The following DCC variants were observed in gnomAD, a reference collection of about 807,000 sequenced individuals.
The protein encoded by DCC is netrin receptor DCC.
A neutral mutation model predicts 172.5 loss-of-function variants in DCC; 58 were observed. The observed-to-expected ratio is 0.34, with a 90% confidence interval of 0.27 to 0.42. The LOEUF is 0.42. DCC is among the 10% of genes least tolerant of loss of function. The pLI is 1.00. For missense variants in DCC, 1,740 were observed against 1,791.0 expected, an observed-to-expected ratio of 0.97 and a Z score of 0.51; for synonymous variants, 709 against 644.5, an observed-to-expected ratio of 1.10 and a Z score of -1.52.
chr18:52,441,492 A>G (rs1262552305), intron 1 of DCC, among the ~76,000 whole-genome samples: 2 of 152,146 alleles, frequency 1.3e-5, no homozygotes, highest in African/African-American at 2.4e-5. Flanking sequence ...TTTAAATCCT[A>G]TCACCATAAA....
intron 24 of DCC, among the ~76,000 whole-genome samples, chr18:53,467,363 A>G (rs186319308): frequency 6.9e-4 from 105 of 152,230 alleles, no homozygotes; most frequent in Admixed American, 7.8e-4. Flanking sequence ...ATGGAATCCT[A>G]ATAAATTTAT....
chr18:52,969,745 G>T (rs929292653), intron 5 of DCC, among the ~76,000 whole-genome samples: 1 of 151,878 alleles, frequency 6.6e-6, no homozygotes, highest in Non-Finnish European at 1.5e-5. Context: ...TTCAGGATAG[G>T]CTGAAAAGTT....
chr18:53,035,745 A>C (rs776112494), intron 5 of DCC, among the ~76,000 whole-genome samples: 13 of 152,064 alleles, frequency 8.5e-5, no homozygotes, highest in Non-Finnish European at 1.9e-4. Context: ...TATAGACTGC[A>C]CTATCATTTT....
chr18:53,008,099 A>G (rs2041672335), intron 5 of DCC, among the ~76,000 whole-genome samples: 1 of 152,140 alleles, frequency 6.6e-6, no homozygotes, highest in African/African-American at 2.4e-5. Flanking sequence ...TCTGAATCAC[A>G]TAGACATATT....
rs200635486 is a variant in DCC, at chr18:53,138,258, C to T, written c.1262-19098C>T. On this transcript the variant is annotated intron_variant, in intron 7 of 28. Coordinates refer to ENST00000442544, the MANE Select transcript of DCC (RefSeq NM_005215.4). ...AGGCCATGAAGGAGTTAATGTGCCT[C>T]TCTAATGCTGTCAATTTCCATCTTC... Among the ~76,000 whole-genome samples the T allele has an allele frequency of 2.0e-5, 3 of 152,112 alleles. No homozygotes were observed. In the East Asian group the frequency reaches 5.8e-4, roughly 29 times the overall value.
intron 5 of DCC, among the ~76,000 whole-genome samples, chr18:52,946,342 T>C (rs1368758052): frequency 1.3e-5 from 2 of 152,368 alleles, no homozygotes; most frequent in African/African-American, 2.4e-5. Context: ...TGAAATGAAC[T>C]GTTTTTTAGA....
At chr18:52,866,158 C>T (rs865798722) in intron 2 of DCC, among the ~76,000 whole-genome samples, 29 of 152,254 alleles carry the variant, frequency 1.9e-4, no homozygotes, top group African/African-American at 2.9e-4. Flanking sequence ...GAATCCTTTC[C>T]GCACTGCTTG....
intron 1 of DCC, among the ~76,000 whole-genome samples, chr18:52,522,168 G>C (rs988540343): frequency 6.6e-6 from 1 of 152,080 alleles, no homozygotes; most frequent in Non-Finnish European, 1.5e-5. Context: ...CATGGTCCAG[G>C]GATAATTATC....
chr18:52,670,099 C>T (rs763153616), intron 1 of DCC, among the ~76,000 whole-genome samples: 2 of 152,208 alleles, frequency 1.3e-5, no homozygotes, highest in Non-Finnish European at 2.9e-5. Context: ...AAAGAGTCAG[C>T]ATTCTTGGAC....
chr18:52,876,952 C>A (rs1298317256), intron 2 of DCC, among the ~76,000 whole-genome samples: 2 of 152,062 alleles, frequency 1.3e-5, no homozygotes, highest in Non-Finnish European at 2.9e-5. Flanking sequence ...TAGATGACAC[C>A]AGTTAAATTT....
At chr18:53,075,747 T>C (rs2042717595) in intron 7 of DCC, among the ~76,000 whole-genome samples, 1 of 152,210 alleles carries the variant, frequency 6.6e-6, no homozygotes, top group African/African-American at 2.4e-5. Context: ...GCTGTGCTTA[T>C]ATGTATACAC....
chr18:53,514,605 G>C (rs2046310115), intron 27 of DCC, among the ~76,000 whole-genome samples: 1 of 152,128 alleles, frequency 6.6e-6, no homozygotes, highest in African/African-American at 2.4e-5. Flanking sequence ...AATAAAAAAT[G>C]ATAAGGGGGA....
chr18:53,273,278 A>T (rs528257436), intron 12 of DCC, among the ~76,000 whole-genome samples: 1 of 152,184 alleles, frequency 6.6e-6, no homozygotes, highest in African/African-American at 2.4e-5. Context: ...TGAGCCTCTG[A>T]ATTTTATTTC....
At chr18:52,976,260 T>G (rs1598990043) in intron 5 of DCC, among the ~76,000 whole-genome samples, 2 of 152,314 alleles carry the variant, frequency 1.3e-5, no homozygotes, top group Admixed American at 1.3e-4. Context: ...CTCTGTCAGA[T>G]GCATCATTTG....
intron 1 of DCC, among the ~76,000 whole-genome samples, chr18:52,435,555 G>C (rs995633258): frequency 1.3e-5 from 2 of 152,178 alleles, no homozygotes; most frequent in African/African-American, 4.8e-5. Context: ...AGCTCTGACT[G>C]GTTTCTCATC....
chr18:52,974,094 T>C (rs1187147925), intron 5 of DCC, among the ~76,000 whole-genome samples: 2 of 152,168 alleles, frequency 1.3e-5, no homozygotes, highest in Non-Finnish European at 2.9e-5. Flanking sequence ...CAGTGAAGAA[T>C]ATATTATACA....
chr18:52,894,963 G>T (rs574944568), intron 2 of DCC, among the ~76,000 whole-genome samples: 2 of 152,172 alleles, frequency 1.3e-5, no homozygotes, highest in Non-Finnish European at 2.9e-5. Flanking sequence ...CCCAGTCAAG[G>T]TGACACGTAG....
intron 1 of DCC, among the ~76,000 whole-genome samples, chr18:52,475,289 G>C (rs921207980): frequency 2.6e-5 from 4 of 152,134 alleles, no homozygotes; most frequent in Non-Finnish European, 5.9e-5. Flanking sequence ...CACTGTCAGG[G>C]TGAAGCTAAT....
At chr18:52,649,187 C>T (rs12954393) in intron 1 of DCC, among the ~76,000 whole-genome samples, 18,330 of 151,972 alleles carry the variant, frequency 0.12, 1,182 homozygotes, top group Middle Eastern at 0.16. Flanking sequence ...TACTGGCTAA[C>T]ACGGTAAAAC....
Sources: allele counts gnomAD v4.1 joint callset (sites outside exome capture counted in the v4.1 genomes callset), GRCh38; gene constraint gnomAD v4.1.1; transcripts MANE v1.5; gene names NCBI Gene and HGNC (gene_info 2026-07-23, HGNC 2026-07-21).